ITPR1: variants seen among roughly 807,000 people sequenced by gnomAD.
ITPR1 encodes the protein inositol 1,4,5-trisphosphate-gated calcium channel ITPR1.
Under a neutral mutation model 318.4 loss-of-function variants are expected in ITPR1, and 96 were observed. That is an observed-to-expected ratio of 0.30 (90% CI 0.26 to 0.36). The LOEUF (loss-of-function observed/expected upper bound fraction) is 0.36, where lower values mean the gene tolerates loss of function less well. Among genes scored for constraint, ITPR1 ranks in the 10% least tolerant of loss-of-function variants. The pLI is 1.00. For synonymous variants in ITPR1, 1,312 were observed against 1,289.9 expected (o/e 1.02, Z -0.37); for missense variants, 2,440 against 3,460.2 (o/e 0.71, Z 7.40).
chr3:4,739,756 G>A (rs1250341124), intron 44 of ITPR1, among the ~76,000 whole-genome samples: 4 of 152,182 alleles, frequency 2.6e-5, no homozygotes, highest in African/African-American at 9.7e-5. Context: ...GGCTCAGCTG[G>A]GTGGTTCTTT....
chr3:4,752,475 A>T (rs2044612520), intron 44 of ITPR1, among the ~76,000 whole-genome samples: 1 of 152,188 alleles, frequency 6.6e-6, no homozygotes, highest in African/African-American at 2.4e-5. Flanking sequence ...CGTAGAGGTG[A>T]CAACACCACA....
chr3:4,545,502 G>C (rs1413400597), intron 4 of ITPR1, among the ~76,000 whole-genome samples: 2 of 151,900 alleles, frequency 1.3e-5, no homozygotes, highest in South Asian at 4.2e-4. Flanking sequence ...ACATGCCTGT[G>C]GTCCCAGCTA....
Position 4,775,224 on chromosome 3 carries a change from G to T in ITPR1, c.5980-18G>T. The T allele has an allele frequency of 1.3e-6, 2 of 1,598,082 alleles. No individual in the cohort carries two copies. Among genetic ancestry groups the T allele is most frequent in the Non-Finnish European group, 1.7e-6 (2 of 1,165,546 alleles). On this transcript the variant is annotated intron_variant, in intron 46 of 61. Transcript: ENST00000649015. Reference sequence around the variant, plus strand: ...CCTCTGCCTTTGCTCACCGAACCTGGGGACTACCCAATTGCAGAACTTCCT... The same window carrying T: ...CCTCTGCCTTTGCTCACCGAACCTGTGGACTACCCAATTGCAGAACTTCCT...
At chr3:4,498,579 A>G (rs2124867173) in intron 2 of ITPR1, among the ~76,000 whole-genome samples, 1 of 152,314 alleles carries the variant, frequency 6.6e-6, no homozygotes, top group South Asian at 2.1e-4. Context: ...ACAAAACTAC[A>G]TTGTCCTTTC....
At chr3:4,532,890 G>T (rs1319789812) in intron 4 of ITPR1, among the ~76,000 whole-genome samples, 2 of 152,242 alleles carry the variant, frequency 1.3e-5, no homozygotes, top group Non-Finnish European at 2.9e-5. Context: ...ACTCAAAGAA[G>T]AGGCCTGCTT....
intron 55 of ITPR1, among the ~76,000 whole-genome samples, chr3:4,809,600 CT>C (rs3838625): frequency 7.3e-5 from 11 of 151,538 alleles, no homozygotes; most frequent in Non-Finnish European, 1.0e-4. Flanking sequence ...TTCCTTTGTG[CT>C]TTTTTTTGTT....
intron 2 of ITPR1, among the ~76,000 whole-genome samples, chr3:4,508,174 T>A (rs1559357634): frequency 1.3e-5 from 2 of 152,146 alleles, no homozygotes. Flanking sequence ...TGCCACCCGA[T>A]TACTGAAAGT....
intron 44 of ITPR1, among the ~76,000 whole-genome samples, chr3:4,762,412 T>C (rs573221954): frequency 1.4e-4 from 22 of 152,292 alleles, no homozygotes; most frequent in African/African-American, 5.3e-4. Context: ...TTCAGAGACA[T>C]TGTCACTTTC....
At chr3:4,558,683 A>C (rs2086378708) in intron 4 of ITPR1, among the ~76,000 whole-genome samples, 1 of 152,208 alleles carries the variant, frequency 6.6e-6, no homozygotes, top group East Asian at 1.9e-4. Flanking sequence ...AAGAACTATG[A>C]ATATGTCTTC....
intron 55 of ITPR1, among the ~76,000 whole-genome samples, chr3:4,807,439 T>A (rs957979497): frequency 2.0e-5 from 3 of 152,200 alleles, no homozygotes; most frequent in Non-Finnish European, 4.4e-5. Flanking sequence ...TGTGCCACAG[T>A]TTCCTCATCT....
chr3:4,535,442 A>ATTTTTTTTTTTTTTTTTTTTTTTATTTTT (rs34152018), intron 4 of ITPR1, among the ~76,000 whole-genome samples: 1 of 100,982 alleles, frequency 9.9e-6, no homozygotes, highest in Non-Finnish European at 1.8e-5. Flanking sequence ...TTTTTTTTTA[A>ATTTTTTTTTTTTTTTTTTTTTTTATTTTT]TTTTTTTTTT....
chr3:4,627,960 C>T, intron 5 of ITPR1, 82 bp downstream of exon 5: 1 of 776,760 alleles, frequency 1.3e-6, no homozygotes, highest in Non-Finnish European at 2.1e-6. Context: ...TGGGAGACTG[C>T]TTATGCAACC....
intron 46 of ITPR1, among the ~76,000 whole-genome samples, chr3:4,773,248 C>A (rs1231246448): frequency 6.6e-6 from 1 of 152,188 alleles, no homozygotes; most frequent in Non-Finnish European, 1.5e-5. Flanking sequence ...AGGGTGGAGG[C>A]CTCGAGAGCA....
intron 4 of ITPR1, among the ~76,000 whole-genome samples, chr3:4,580,958 C>T (rs985797453): frequency 6.6e-6 from 1 of 152,118 alleles, no homozygotes; most frequent in Non-Finnish European, 1.5e-5. Flanking sequence ...CGTTAGGTGC[C>T]AGAGCAGTTA....
chr3:4,829,853 A>ACTCC (rs148669080), intron 60 of ITPR1, among the ~76,000 whole-genome samples: 18,751 of 129,722 alleles, frequency 0.14, 1,436 homozygotes, highest in Middle Eastern at 0.31. Flanking sequence ...CCTATTTATC[A>ACTCC]CTCCCTCCCT....
At chr3:4,748,005 T>G (rs2044230042) in intron 44 of ITPR1, among the ~76,000 whole-genome samples, 1 of 152,222 alleles carries the variant, frequency 6.6e-6, no homozygotes, top group East Asian at 1.9e-4. Context: ...ATATTCATGT[T>G]TGGGCGAAGG....
intron 5 of ITPR1, among the ~76,000 whole-genome samples, chr3:4,637,253 G>A (rs964280170): frequency 6.6e-6 from 1 of 152,176 alleles, no homozygotes; most frequent in Non-Finnish European, 1.5e-5. Context: ...GTCAGTGTTA[G>A]CTGAGAACTC....
chr3:4,765,929 T>C (rs572185664), intron 44 of ITPR1, among the ~76,000 whole-genome samples: 1 of 152,348 alleles, frequency 6.6e-6, no homozygotes, highest in Admixed American at 6.5e-5. Flanking sequence ...ATGACCTTTT[T>C]CTTGAAGATT....
intron 4 of ITPR1, among the ~76,000 whole-genome samples, chr3:4,578,030 AC>A (rs2088871964): frequency 6.6e-6 from 1 of 152,240 alleles, no homozygotes; most frequent in Non-Finnish European, 1.5e-5. Context: ...TGCCAGTGAA[AC>A]TGTGCATTCT....
Sources: gnomAD v4.1 joint callset for allele counts (sites outside exome capture counted in the v4.1 genomes callset) on GRCh38, gnomAD v4.1.1 for gene constraint, MANE v1.5 for transcripts, NCBI Gene and HGNC (gene_info 2026-07-23, HGNC 2026-07-21) for gene names.